Variants in ITPK1 observed in about 807,000 individuals in gnomAD.
ITPK1 encodes the protein inositol-tetrakisphosphate 1-kinase.
Under a neutral mutation model 45.3 loss-of-function variants are expected in ITPK1, and 21 were observed. The ratio of observed to expected loss-of-function variants is 0.46; its 90% CI spans 0.33 to 0.67. ITPK1 has a LOEUF of 0.67. Ranked by LOEUF, ITPK1 falls within the 30% of genes least tolerant of loss-of-function variation. ITPK1 has a pLI of 0.02. For synonymous variants in ITPK1, 258 were observed against 253.6 expected (o/e 1.02, Z -0.16); for missense variants, 474 against 573.5 (o/e 0.83, Z 1.77).
intron 10 of ITPK1, among the ~76,000 whole-genome samples, chr14:92,945,288 G>C (rs1310649530): frequency 1.3e-5 from 2 of 152,268 alleles, no homozygotes; most frequent in East Asian, 3.8e-4. Context: ...TGTGGCCGGT[G>C]CTGCTGACTG....
intron 3 of ITPK1, among the ~76,000 whole-genome samples, chr14:93,042,911 G>A (rs1250818064): frequency 6.6e-6 from 1 of 151,994 alleles, no homozygotes; most frequent in East Asian, 1.9e-4. Flanking sequence ...GCAGCTACTC[G>A]GGAGGCTGAG....
intron 5 of ITPK1, among the ~76,000 whole-genome samples, chr14:92,963,542 C>A (rs1271625358): frequency 6.6e-6 from 1 of 152,192 alleles, no homozygotes; most frequent in Non-Finnish European, 1.5e-5. Flanking sequence ...ACGCTCACTG[C>A]ATCTCTGCTG....
intron 8 of ITPK1, among the ~76,000 whole-genome samples, chr14:92,956,603 A>G (rs533631999): frequency 6.6e-6 from 1 of 152,348 alleles, no homozygotes; most frequent in African/African-American, 2.4e-5. Context: ...AGAAGGAAAA[A>G]GGAGAAAACA....
intron 3 of ITPK1, among the ~76,000 whole-genome samples, chr14:93,072,331 T>C (rs923849733): frequency 9.9e-5 from 15 of 151,464 alleles, no homozygotes; most frequent in Admixed American, 2.6e-4. Flanking sequence ...ATAAGTAAAA[T>C]TTAATAAATA....
rs1301081825 is a variant in ITPK1, at chr14:92,993,957, GGGTCCAGGACGAT to G, written c.274_286del (p.Ile92ArgfsTer55). On this transcript the variant is annotated frameshift_variant, in exon 5 of 11. Transcript: ENST00000267615. LOFTEE classifies it high-confidence loss of function. ...AAGCAGGGTTCTGATGGCAGGGAGCGGGTCCAGGACGATGGTCTCAGGGTGGGCATCGATGTAC... is the reference window on the plus strand; with the variant it reads ...AAGCAGGGTTCTGATGGCAGGGAGCGGGTCTCAGGGTGGGCATCGATGTAC... 6.2e-7 allele frequency: 1 copy of G among 1,613,816 alleles called. No homozygotes were observed. Among genetic ancestry groups the G allele is most frequent in the Non-Finnish European group, 8.5e-7 (1 of 1,179,882 alleles).
intron 3 of ITPK1, among the ~76,000 whole-genome samples, chr14:93,040,639 C>A (rs1889521170): frequency 6.6e-6 from 1 of 152,208 alleles, no homozygotes; most frequent in Admixed American, 6.5e-5. Context: ...ACCTGGTGAG[C>A]TCCCAGCCTT....
intron 5 of ITPK1, among the ~76,000 whole-genome samples, chr14:92,963,772 GA>G (rs1885207374): frequency 6.6e-6 from 1 of 152,240 alleles, no homozygotes; most frequent in Non-Finnish European, 1.5e-5. Context: ...AATGTATTTG[GA>G]ATCTCTCTGC....
intron 3 of ITPK1, among the ~76,000 whole-genome samples, chr14:93,017,285 A>G (rs1888228807): frequency 6.6e-6 from 1 of 152,230 alleles, no homozygotes; most frequent in Non-Finnish European, 1.5e-5. Flanking sequence ...TAATCTATAA[A>G]AAGCCTTAGC....
At chr14:93,064,066 G>A (rs1437676653) in intron 3 of ITPK1, among the ~76,000 whole-genome samples, 2 of 152,088 alleles carry the variant, frequency 1.3e-5, no homozygotes, top group East Asian at 1.9e-4. Context: ...GGTGGATCAC[G>A]AGGTCAGGAG....
chr14:93,095,776 T>A (rs973633557), intron 2 of ITPK1, among the ~76,000 whole-genome samples: 3 of 151,554 alleles, frequency 2.0e-5, no homozygotes, highest in East Asian at 1.9e-4. Context: ...GTCCCCAGTG[T>A]TGACTCTTCC....
At chr14:92,941,979 C>T in intron 10 of ITPK1, 75 bp from the exon 11 acceptor site, 10 of 1,290,896 alleles carry the variant, frequency 7.7e-6, no homozygotes, top group Admixed American at 2.0e-5. Context: ...GAGGAGGAGG[C>T]AGAACCGATG....
At chr14:93,080,763 G>A (rs1454588413) in intron 2 of ITPK1, among the ~76,000 whole-genome samples, 1 of 151,776 alleles carries the variant, frequency 6.6e-6, no homozygotes, top group Non-Finnish European at 1.5e-5. Flanking sequence ...TTGAGACAGA[G>A]TCTGGCTCTA....
chr14:93,058,269 C>T (rs1450271023), intron 3 of ITPK1, among the ~76,000 whole-genome samples: 1 of 150,946 alleles, frequency 6.6e-6, no homozygotes, highest in Non-Finnish European at 1.5e-5. Flanking sequence ...AGGTCGAAGC[C>T]AGAGTGGCCA....
At chr14:93,010,792 G>C (rs903423549) in intron 4 of ITPK1, among the ~76,000 whole-genome samples, 1 of 152,132 alleles carries the variant, frequency 6.6e-6, no homozygotes, top group Non-Finnish European at 1.5e-5. Context: ...TGAGTGGCTC[G>C]TACGCATCAT....
intron 3 of ITPK1, among the ~76,000 whole-genome samples, chr14:93,044,413 G>A (rs559542778): frequency 2.6e-5 from 4 of 152,332 alleles, no homozygotes; most frequent in Admixed American, 2.0e-4. Flanking sequence ...TTGTGCTGGC[G>A]ATTACTGAGA....
intron 4 of ITPK1, among the ~76,000 whole-genome samples, chr14:93,000,290 G>A (rs1442073526): frequency 1.3e-5 from 2 of 152,164 alleles, no homozygotes; most frequent in Admixed American, 1.3e-4. Context: ...AAGACCCCAG[G>A]ATTTGGCTCC....
chr14:92,986,976 T>C (rs1886516536), intron 5 of ITPK1, among the ~76,000 whole-genome samples: 1 of 152,220 alleles, frequency 6.6e-6, no homozygotes, highest in Non-Finnish European at 1.5e-5. Flanking sequence ...CAGGGGCTGC[T>C]GCCCTGTCCA....
chr14:92,984,339 C>A (rs1368977646), intron 5 of ITPK1, among the ~76,000 whole-genome samples: 2 of 152,168 alleles, frequency 1.3e-5, no homozygotes, highest in Non-Finnish European at 2.9e-5. Context: ...TCAAGAGAAG[C>A]CTCAAAGAGA....
chr14:93,106,589 T>A (rs1028618163), intron 2 of ITPK1, among the ~76,000 whole-genome samples: 1 of 152,204 alleles, frequency 6.6e-6, no homozygotes, highest in South Asian at 2.1e-4. Flanking sequence ...AGAGGCCTTC[T>A]CTGACCACAG....
Sources: gnomAD v4.1 joint callset for allele counts (sites outside exome capture counted in the v4.1 genomes callset) on GRCh38, gnomAD v4.1.1 for gene constraint, MANE v1.5 for transcripts, NCBI Gene and HGNC (gene_info 2026-07-23, HGNC 2026-07-21) for gene names.